SEMA6D: variants seen among roughly 807,000 people sequenced by gnomAD.
The protein encoded by SEMA6D is semaphorin 6D.
SEMA6D carries 35 observed loss-of-function variants against 106.6 expected under a neutral mutation model. The ratio of observed to expected loss-of-function variants is 0.33; its 90% CI spans 0.25 to 0.44. SEMA6D has a LOEUF of 0.44. Ranked by LOEUF, SEMA6D falls within the 20% of genes least tolerant of loss-of-function variation. The pLI is 1.00. For missense variants in SEMA6D, 1,185 were observed against 1,345.9 expected (o/e 0.88, Z 1.87); for synonymous variants, 499 against 487.7 (o/e 1.02, Z -0.31).
chr15:47,436,565 G>C (rs1389178897), intron 2 of SEMA6D, among the ~76,000 whole-genome samples: 1 of 150,416 alleles, frequency 6.6e-6, no homozygotes, highest in African/African-American at 2.4e-5. Context: ...TCAAGTAGAA[G>C]TTTAATGTTC....
chr15:47,264,996 T>C (rs983503468), intron 1 of SEMA6D, among the ~76,000 whole-genome samples: 1 of 152,070 alleles, frequency 6.6e-6, no homozygotes, highest in South Asian at 2.1e-4. Flanking sequence ...CTTTAATATG[T>C]TCCTGGATTC....
rs187559300 is a variant in SEMA6D at position 47,272,345 on chromosome 15, C to T, written c.-239+87927C>T. On this transcript the variant is annotated intron_variant, in intron 1 of 19. Coordinates refer to the SEMA6D transcript ENST00000558014. ...AAAAAGATGGAGTTTGCCTATGTAT[C>T]TCTTACCTGCAATTTAAAGGGTTGC... is the stretch of plus-strand genomic sequence containing the variant. Among the ~76,000 whole-genome samples the T allele has an allele frequency of 3.4e-3, 512 of 152,272 alleles. 5 individuals carry two copies. The highest frequency in any genetic ancestry group is 0.012 in the African/African-American group (497 of 41,570).
chr15:47,676,354 T>C (rs984428389), intron 4 of SEMA6D, among the ~76,000 whole-genome samples: 1 of 152,180 alleles, frequency 6.6e-6, no homozygotes, highest in Non-Finnish European at 1.5e-5. Flanking sequence ...TTCTAGGACA[T>C]AGGACAGAAG....
At chr15:47,293,867 TTCTC>T (rs2035692780) in intron 1 of SEMA6D, among the ~76,000 whole-genome samples, 1 of 152,198 alleles carries the variant, frequency 6.6e-6, no homozygotes, top group Non-Finnish European at 1.5e-5. Context: ...ACTGTGCTGT[TTCTC>T]TCTATGTGAA....
chr15:47,314,975 C>T (rs891052349), intron 1 of SEMA6D, among the ~76,000 whole-genome samples: 1 of 148,004 alleles, frequency 6.8e-6, no homozygotes, highest in Non-Finnish European at 1.5e-5. Context: ...ACACCATTCT[C>T]CTGCCTCAGC....
chr15:47,331,298 G>A (rs1413864751), intron 1 of SEMA6D, among the ~76,000 whole-genome samples: 1 of 152,078 alleles, frequency 6.6e-6, no homozygotes, highest in Non-Finnish European at 1.5e-5. Flanking sequence ...TGCCTCAAAA[G>A]GGCAGGCTTT....
chr15:47,277,983 G>C (rs2034916611), intron 1 of SEMA6D, among the ~76,000 whole-genome samples: 2 of 152,040 alleles, frequency 1.3e-5, no homozygotes. Context: ...TGGTGTATAT[G>C]TACCACATTT....
At chr15:47,620,159 C>T (rs1255890631) in intron 4 of SEMA6D, among the ~76,000 whole-genome samples, 2 of 152,314 alleles carry the variant, frequency 1.3e-5, no homozygotes, top group East Asian at 3.9e-4. Context: ...CTGTTAATGT[C>T]ATCTAAGACT....
chr15:47,479,246 A>G (rs2043083830), intron 3 of SEMA6D, among the ~76,000 whole-genome samples: 1 of 152,102 alleles, frequency 6.6e-6, no homozygotes. Context: ...TCCATTTTTG[A>G]AATCTTCCAT....
At chr15:47,193,799 G>C (rs944429623) in intron 1 of SEMA6D, among the ~76,000 whole-genome samples, 1 of 152,084 alleles carries the variant, frequency 6.6e-6, no homozygotes, top group African/African-American at 2.4e-5. Flanking sequence ...TCCTTGAAAA[G>C]CCTGTCTGTG....
chr15:47,258,937 ACTTTTTAAGAATTTCAT>A (rs1226963075), intron 1 of SEMA6D, among the ~76,000 whole-genome samples: 1 of 151,262 alleles, frequency 6.6e-6, no homozygotes, highest in African/African-American at 2.4e-5. Context: ...ATTACTTAAC[ACTTTTTAAGAATTTCAT>A]CTTTATTTAT....
At chr15:47,192,648 A>G (rs2140967099) in intron 1 of SEMA6D, among the ~76,000 whole-genome samples, 2 of 152,320 alleles carry the variant, frequency 1.3e-5, no homozygotes, top group East Asian at 3.9e-4. Context: ...AAATAAAACA[A>G]TACTGTACAG....
rs947578483 is a variant in SEMA6D, at chr15:47,203,321, G to A, written c.-239+18903G>A. On this transcript the variant is annotated intron_variant, in intron 1 of 19. Transcript: ENST00000558014. Reference sequence around the variant, plus strand: ...AAGAAAGCTTCTTTCCAAAAGAAAGGCAATTGTCTTAAGATCCTCTCCCTA... The same window carrying A: ...AAGAAAGCTTCTTTCCAAAAGAAAGACAATTGTCTTAAGATCCTCTCCCTA... Among the ~76,000 whole-genome samples, 4 of 152,192 alleles carry A rather than the reference G, an allele frequency of 2.6e-5. No homozygotes were observed. In the South Asian group the frequency reaches 8.3e-4, roughly 32 times the overall value.
At chr15:47,709,781 A>G (rs561445375) in intron 4 of SEMA6D, among the ~76,000 whole-genome samples, 106 of 152,254 alleles carry the variant, frequency 7.0e-4, no homozygotes, top group Non-Finnish European at 1.3e-3. Flanking sequence ...TCCAATTTCT[A>G]GAATTATCCC....
chr15:47,623,372 T>G (rs1225965933), intron 4 of SEMA6D, among the ~76,000 whole-genome samples: 2 of 152,228 alleles, frequency 1.3e-5, no homozygotes, highest in African/African-American at 4.8e-5. Context: ...ATTAACTCAT[T>G]TATTCCTCCC....
chr15:47,488,187 T>C (rs188575557), intron 3 of SEMA6D, among the ~76,000 whole-genome samples: 2 of 152,190 alleles, frequency 1.3e-5, no homozygotes, highest in Admixed American at 1.3e-4. Context: ...GTATCTTCTT[T>C]GCACATGGTT....
intron 3 of SEMA6D, among the ~76,000 whole-genome samples, chr15:47,570,009 C>T (rs536607871): frequency 2.0e-5 from 3 of 150,528 alleles, no homozygotes; most frequent in Admixed American, 6.6e-5. Flanking sequence ...TGCAGTGACC[C>T]GAGATCGCAC....
intron 4 of SEMA6D, among the ~76,000 whole-genome samples, chr15:47,603,655 G>A (rs753684979): frequency 6.6e-5 from 10 of 151,900 alleles, no homozygotes; most frequent in African/African-American, 1.5e-4. Flanking sequence ...AAAGTCCCTC[G>A]TAATTTATAA....
At chr15:47,368,998 CATT>C (rs879902888) in intron 1 of SEMA6D, among the ~76,000 whole-genome samples, 83 of 152,288 alleles carry the variant, frequency 5.5e-4, no homozygotes, top group Non-Finnish European at 8.8e-4. Context: ...GAAGGAAACA[CATT>C]GTGGGCCAGT....
Sources: allele counts gnomAD v4.1 joint callset (sites outside exome capture counted in the v4.1 genomes callset), GRCh38; gene constraint gnomAD v4.1.1; transcripts MANE v1.5; gene names NCBI Gene and HGNC (gene_info 2026-07-23, HGNC 2026-07-21).